The following OLFM1 variants were observed in gnomAD, a reference collection of about 807,000 sequenced individuals.
OLFM1 encodes olfactomedin 1, also known as noelin.
OLFM1 carries 9 observed loss-of-function variants against 49.7 expected under a neutral mutation model. The ratio of observed to expected loss-of-function variants is 0.18; its 90% CI spans 0.11 to 0.32. The LOEUF (loss-of-function observed/expected upper bound fraction) is 0.32, where lower values mean the gene tolerates loss of function less well. Ranked by LOEUF, OLFM1 falls within the 10% of genes least tolerant of loss-of-function variation. The probability of loss-of-function intolerance (pLI) is 1.00; values close to 1 mark genes in which losing one functional copy is unlikely to be tolerated. For missense variants in OLFM1, 369 were observed against 661.8 expected, an observed-to-expected ratio of 0.56 and a Z score of 4.85; for synonymous variants, 240 against 271.8, an observed-to-expected ratio of 0.88 and a Z score of 1.15.
chr9:135,076,588 G>T, intron 1 of OLFM1: 1 of 1,072,256 alleles, frequency 9.3e-7, no homozygotes, highest in Non-Finnish European at 1.3e-6. Context: ...GGGTTGCTTT[G>T]GCACTATGGT....
chr9:135,087,939 G>A lies in OLFM1; in HGVS notation c.-51G>A. The stretch of plus-strand genomic sequence containing the variant: ...CCCGCCGCCTGAAGGCCGCCTGGGC[G>A]CGGGAGCCGGTGCCAGCTCGGAGCG... On this transcript the variant is annotated 5_prime_UTR_variant, in exon 1 of 6. Coordinates refer to ENST00000371793, the MANE Select transcript of OLFM1 (RefSeq NM_001282611.2). 1 of 1,350,434 alleles carries A rather than the reference G, an allele frequency of 7.4e-7. No individual in the cohort carries two copies. Among genetic ancestry groups the A allele is most frequent in the Non-Finnish European group, 9.6e-7 (1 of 1,039,388 alleles). The allele number at this position is 1,350,434 out of a possible 1,614,324, so 83.7% of individuals were successfully genotyped here.
intron 4 of OLFM1, 87 bp from the exon 5 acceptor site, chr9:135,106,662 C>T (rs1483317945): frequency 1.2e-5 from 11 of 954,322 alleles, no homozygotes; most frequent in South Asian, 2.9e-5. Flanking sequence ...CCACATGGCA[C>T]GTGTGCTCTG....
chr9:135,119,036 GATCTTT>G (rs1831145069), intron 5 of OLFM1, among the ~76,000 whole-genome samples: 1 of 151,240 alleles, frequency 6.6e-6, no homozygotes, highest in Admixed American at 6.6e-5. Context: ...TTACTCACTG[GATCTTT>G]GGAAGTGCTC....
chr9:135,090,113 C>G (rs1830661717), intron 1 of OLFM1, 82 bp from the exon 2 acceptor site: 1 of 1,304,350 alleles, frequency 7.7e-7, no homozygotes, highest in Non-Finnish European at 1.1e-6. Flanking sequence ...GGACAGTTTC[C>G]CCTGGTTGTT....
intron 2 of OLFM1, among the ~76,000 whole-genome samples, chr9:135,094,126 G>C (rs2119111632): frequency 6.6e-6 from 1 of 152,258 alleles, no homozygotes; most frequent in Middle Eastern, 3.4e-3. Context: ...GAGGGGTCTG[G>C]ACTGGCGCCG....
rs541592424 is a variant in OLFM1 at position 135,108,713 on chromosome 9, T to C, written c.783+1858T>C. 4.6e-5 allele frequency among the ~76,000 whole-genome samples: 7 copies of C among 152,012 alleles called. No individual in the cohort carries two copies. The East Asian group carries it at 1.4e-3, about 29-fold the overall frequency. The stretch of plus-strand genomic sequence containing the variant: ...AAGCACTTTCTTTTCATGCATTAAC[T>C]CCCTTAATAGCGGGGGAAGGACGGG... On this transcript the variant is annotated intron_variant, in intron 5 of 5. Coordinates refer to ENST00000371793, the MANE Select transcript of OLFM1 (RefSeq NM_001282611.2).
upstream of OLFM1, among the ~76,000 whole-genome samples, chr9:135,083,045 A>C (rs1830551707): frequency 2.0e-5 from 3 of 152,198 alleles, no homozygotes; most frequent in South Asian, 6.2e-4. Context: ...GATGTTTCTC[A>C]TCATGATGTC....
At chr9:135,076,455 G>A (rs1343005460) in intron 1 of OLFM1, 16 of 1,428,730 alleles carry the variant, frequency 1.1e-5, no homozygotes, top group Middle Eastern at 2.5e-4. Flanking sequence ...CGGGCTTGTC[G>A]TACCCTGAAC....
In OLFM1 at chr9:135,120,762, A is replaced by G. The variant is rs1030890980; in HGVS notation, c.*584A>G. ...TGTAGAGTGAAGTTGCTGTGCCCAC[A>G]TTGTTTGAACTCGCGTACCCCGTAG... On this transcript the variant is annotated 3_prime_UTR_variant, in exon 6 of 6. Transcript: ENST00000371793. 1.3e-5 allele frequency: 2 copies of G among 153,916 alleles called. No individual in the cohort carries two copies. The highest frequency in any genetic ancestry group is 4.8e-5 in the African/African-American group (2 of 41,442). The allele number at this position is 153,916 out of a possible 1,614,324, so 9.5% of individuals were successfully genotyped here. A position where few individuals can be genotyped will look rare whatever the true frequency, so the allele number is the denominator to read the frequency against.
At chr9:135,086,540 A>T, upstream of OLFM1, 1 of 438,000 alleles carries the variant, frequency 2.3e-6, no homozygotes, top group East Asian at 7.1e-5. Context: ...ATTTTCGCCC[A>T]GGCAGAGAAG....
intron 2 of OLFM1, among the ~76,000 whole-genome samples, chr9:135,091,614 C>T (rs200350751): frequency 7.3e-5 from 10 of 136,346 alleles, no homozygotes; most frequent in South Asian, 7.3e-4. Context: ...CATAGTCACA[C>T]AGTCACACAC....
chr9:135,117,094 C>G lies in OLFM1; in HGVS notation c.784-2410C>G, dbSNP rs1831106640. Among the ~76,000 whole-genome samples, 1 of 152,208 alleles carries G rather than the reference C, an allele frequency of 6.6e-6. No individual in the cohort carries two copies. The highest frequency in any genetic ancestry group is 6.5e-5 in the Admixed American group (1 of 15,292). On this transcript the variant is annotated intron_variant, in intron 5 of 5. Transcript: ENST00000371793. The surrounding 1 kb of genome is among the most constrained non-coding windows in gnomAD (Gnocchi z 5.5). ...CAGACAGATGCATGCAGAGCGGCAC[C>G]AGCCTGCCAGACTCCCTCTGCCTAA...
At chr9:135,093,339 C>T (rs1830741114) in intron 2 of OLFM1, among the ~76,000 whole-genome samples, 4 of 152,188 alleles carry the variant, frequency 2.6e-5, no homozygotes. Context: ...GCTTTGGAGC[C>T]AGTCCAGCTT....
intron 1 of OLFM1, among the ~76,000 whole-genome samples, chr9:135,079,522 T>G (rs1432621756): frequency 6.6e-6 from 1 of 152,214 alleles, no homozygotes; most frequent in Admixed American, 6.5e-5. Context: ...GGAGAATCAC[T>G]TGAACCCAGG....
In OLFM1 at chr9:135,087,755, C is replaced by A; in HGVS notation, c.-235C>A. 4.4e-6 allele frequency: 2 copies of A among 452,554 alleles called. No individual in the cohort carries two copies. Among genetic ancestry groups the A allele is most frequent in the Non-Finnish European group, 5.8e-6 (2 of 345,566 alleles). The allele number at this position is 452,554 out of a possible 1,614,324, so 28.0% of individuals were successfully genotyped here. On this transcript the variant is annotated 5_prime_UTR_variant, in exon 1 of 6. Transcript: ENST00000371793. ...AGGGCGCAGGGCGGGCGGCGCGAGG[C>A]GCAGGGCGCGGCGGGCAGAGGCCAC...
At chr9:135,075,921 C>A in intron 1 of OLFM1, 1 of 1,410,796 alleles carries the variant, frequency 7.1e-7, no homozygotes, top group Non-Finnish European at 9.2e-7. Context: ...GGCCTGGGCG[C>A]CCGAAGTGCC....
chr9:135,095,846 C>G lies in OLFM1; in HGVS notation c.301-18C>G, dbSNP rs1351124769. On this transcript the variant is annotated intron_variant, in intron 2 of 5. Coordinates refer to ENST00000371793, the MANE Select transcript of OLFM1 (RefSeq NM_001282611.2). The stretch of plus-strand genomic sequence containing the variant: ...ACCTACTGCGGCTGTTTTGCTGAAC[C>G]TGTTGCCCTTTTGACAGGTGCAGAA... 1.2e-6 allele frequency: 2 copies of G among 1,611,780 alleles called. No individual in the cohort carries two copies. The highest frequency in any genetic ancestry group is 1.7e-6 in the Non-Finnish European group (2 of 1,178,700).
At chr9:135,078,180 C>T (rs1280156664) in intron 1 of OLFM1, among the ~76,000 whole-genome samples, 1 of 152,192 alleles carries the variant, frequency 6.6e-6, no homozygotes, top group East Asian at 1.9e-4. Flanking sequence ...AGTGAAGAAG[C>T]ATGTCTGGGC....
chr9:135,087,266 C>G, upstream of OLFM1: 1 of 1,458,048 alleles, frequency 6.9e-7, no homozygotes, highest in Non-Finnish European at 9.0e-7. Context: ...CCTCGAATCA[C>G]CGCGGAAAAG....
Sources: gnomAD v4.1 joint callset for allele counts (sites outside exome capture counted in the v4.1 genomes callset) on GRCh38, gnomAD v4.1.1 for gene constraint, Gnocchi (gnomAD v3.1) non-coding constraint, MANE v1.5 for transcripts, NCBI Gene and HGNC (gene_info 2026-07-23, HGNC 2026-07-21) for gene names.